The following SOCS5 variants were observed in gnomAD, a reference collection of about 807,000 sequenced individuals.
SOCS5 encodes the protein suppressor of cytokine signaling 5, also known as CIS-6.
SOCS5 carries 32 observed loss-of-function variants against 42.8 expected under a neutral mutation model. That is an observed-to-expected ratio of 0.75 (90% confidence interval 0.56 to 1.01). The LOEUF (loss-of-function observed/expected upper bound fraction) is 1.01. Among genes scored for constraint, SOCS5 ranks in the 50% least tolerant of loss-of-function variants. The probability of loss-of-function intolerance (pLI) is 0.00; values close to 1 mark genes in which losing one functional copy is unlikely to be tolerated. For missense variants in SOCS5, 627 were observed against 653.0 expected, an observed-to-expected ratio of 0.96 and a Z score of 0.43; for synonymous variants, 283 against 229.6, an observed-to-expected ratio of 1.23 and a Z score of -2.10.
chr2:46,748,558 C>T (rs1249687087), intron 1 of SOCS5, among the ~76,000 whole-genome samples: 3 of 152,020 alleles, frequency 2.0e-5, no homozygotes, highest in Non-Finnish European at 2.9e-5. Flanking sequence ...TGATCAGTTT[C>T]TTTCTTTGTT....
At chr2:46,732,659 C>G (rs967955903) in intron 1 of SOCS5, among the ~76,000 whole-genome samples, 16 of 152,308 alleles carry the variant, frequency 1.1e-4, no homozygotes, top group African/African-American at 3.8e-4. Flanking sequence ...ATGTAACACT[C>G]CTGGAGACAG....
intron 1 of SOCS5, among the ~76,000 whole-genome samples, chr2:46,749,980 A>G (rs1673589357): frequency 6.6e-6 from 1 of 152,210 alleles, no homozygotes. Context: ...TGTCTTTTGA[A>G]TATCTCCTAT....
intron 1 of SOCS5, among the ~76,000 whole-genome samples, chr2:46,718,483 AT>A (rs1215710167): frequency 6.6e-6 from 1 of 152,192 alleles, no homozygotes; most frequent in Non-Finnish European, 1.5e-5. Flanking sequence ...ATAACTCAAT[AT>A]CCCCAAACCC....
chr2:46,719,039 T>C (rs1343854051), intron 1 of SOCS5, among the ~76,000 whole-genome samples: 1 of 152,210 alleles, frequency 6.6e-6, no homozygotes, highest in Non-Finnish European at 1.5e-5. Flanking sequence ...CTCAAATGAT[T>C]AGGTTATGCT....
chr2:46,731,464 G>T (rs1478028675), intron 1 of SOCS5, among the ~76,000 whole-genome samples: 1 of 152,190 alleles, frequency 6.6e-6, no homozygotes, highest in African/African-American at 2.4e-5. Flanking sequence ...TTTTCGTTAT[G>T]ACAGCCAGAA....
At chr2:46,726,176 A>C (rs1672985656) in intron 1 of SOCS5, among the ~76,000 whole-genome samples, 1 of 152,076 alleles carries the variant, frequency 6.6e-6, no homozygotes, top group Non-Finnish European at 1.5e-5. Context: ...AGCTCACTGC[A>C]ACCTCTGCCT....
chr2:46,755,094 A>G (rs1238943364), intron 1 of SOCS5, among the ~76,000 whole-genome samples: 2 of 152,178 alleles, frequency 1.3e-5, no homozygotes, highest in African/African-American at 2.4e-5. Context: ...TGAGAAGTCT[A>G]GATAGACTGA....
chr2:46,714,963 T>TA (rs1463427113), intron 1 of SOCS5, among the ~76,000 whole-genome samples: 1 of 152,230 alleles, frequency 6.6e-6, no homozygotes, highest in East Asian at 1.9e-4. Context: ...TTTTACCACT[T>TA]AATGTGTAGT....
intron 1 of SOCS5, among the ~76,000 whole-genome samples, chr2:46,720,106 C>G (rs1208212972): frequency 1.3e-5 from 2 of 152,154 alleles, no homozygotes; most frequent in African/African-American, 2.4e-5. Flanking sequence ...TAACCTGAGT[C>G]TCAATGTTCT....
intron 1 of SOCS5, among the ~76,000 whole-genome samples, chr2:46,709,799 C>T (rs1672575831): frequency 6.6e-6 from 1 of 152,210 alleles, no homozygotes; most frequent in South Asian, 2.1e-4. Context: ...CAATTTAGGA[C>T]TTCAGTGACA....
intron 1 of SOCS5, among the ~76,000 whole-genome samples, chr2:46,732,297 C>T (rs1673144670): frequency 6.6e-6 from 1 of 152,162 alleles, no homozygotes. Flanking sequence ...GTCAGTCAGC[C>T]TGGAGGAGTC....
Position 46,699,389 on chromosome 2 carries a change from C to T in SOCS5, c.-73C>T, listed in dbSNP as rs1672290162. ...CTCGCCCTGTCGGTGACTGCGCCGT[C>T]CGGGCCCGTCCTGCCTGGCCGCAGG... On this transcript the variant is annotated 5_prime_UTR_variant, in exon 1 of 2. Coordinates refer to ENST00000394861, the MANE Select transcript of SOCS5 (RefSeq NM_144949.3). This position sits in a 1 kb window ranked among gnomAD's most constrained non-coding sequence, Gnocchi z 4.8. 1.3e-5 allele frequency: 2 copies of T among 152,094 alleles called. No individual in the cohort carries two copies. The highest frequency in any genetic ancestry group is 6.5e-5 in the Admixed American group (1 of 15,278). The allele number at this position is 152,094 out of a possible 1,614,324, so 9.4% of individuals were successfully genotyped here. A position where few individuals can be genotyped will look rare whatever the true frequency, so the allele number is the denominator to read the frequency against.
intron 1 of SOCS5, among the ~76,000 whole-genome samples, chr2:46,755,453 C>A (rs1040864949): frequency 6.6e-6 from 1 of 152,052 alleles, no homozygotes; most frequent in African/African-American, 2.4e-5. Flanking sequence ...TTCCATAATT[C>A]TAATTTGTAG....
intron 1 of SOCS5, among the ~76,000 whole-genome samples, chr2:46,750,395 C>CT (rs1673597930): frequency 1.3e-5 from 2 of 151,856 alleles, no homozygotes; most frequent in South Asian, 2.1e-4. Context: ...CTAAAATTGT[C>CT]TTTTTTGGAG....
At chr2:46,756,355 G>A (rs1055668147) in intron 1 of SOCS5, among the ~76,000 whole-genome samples, 1 of 152,110 alleles carries the variant, frequency 6.6e-6, no homozygotes, top group East Asian at 1.9e-4. Flanking sequence ...TCTGAAAGGG[G>A]CTAGATAGAA....
At chr2:46,703,952 G>C (rs539113026) in intron 1 of SOCS5, among the ~76,000 whole-genome samples, 2 of 152,274 alleles carry the variant, frequency 1.3e-5, no homozygotes, top group African/African-American at 2.4e-5. Context: ...TTGCATCTTA[G>C]TGACCTGAAA....
At chr2:46,704,002 G>A (rs2103687146) in intron 1 of SOCS5, among the ~76,000 whole-genome samples, 1 of 152,036 alleles carries the variant, frequency 6.6e-6, no homozygotes, top group South Asian at 2.1e-4. Flanking sequence ...AAAATTGTAG[G>A]GAATGATTTC....
rs775156440 is a variant in SOCS5 at position 46,699,763 on chromosome 2, G to T, written c.-13+314G>T. ...GGAACGTGGGGTTCCTAAGGGGAAG[G>T]GGGTCGTCCGGGGCCAGTAGGAGGG... On this transcript the variant is annotated intron_variant, in intron 1 of 1. Transcript: ENST00000394861. The surrounding 1 kb of genome is among the most constrained non-coding windows in gnomAD (Gnocchi z 4.8). 1.3e-5 allele frequency among the ~76,000 whole-genome samples: 2 copies of T among 152,130 alleles called. No homozygotes were observed. The highest frequency in any genetic ancestry group is 4.8e-5 in the African/African-American group (2 of 41,440).
chr2:46,707,364 A>T (rs1053209475), intron 1 of SOCS5, among the ~76,000 whole-genome samples: 5 of 152,212 alleles, frequency 3.3e-5, no homozygotes, highest in African/African-American at 9.7e-5. Context: ...GTGTTGTCTG[A>T]TTGTTTCTTC....
Sources: gnomAD v4.1 joint callset for allele counts (sites outside exome capture counted in the v4.1 genomes callset) on GRCh38, gnomAD v4.1.1 for gene constraint, Gnocchi (gnomAD v3.1) non-coding constraint, MANE v1.5 for transcripts, NCBI Gene and HGNC (gene_info 2026-07-23, HGNC 2026-07-21) for gene names.